NBEA: variants seen among roughly 807,000 people sequenced by gnomAD.
NBEA encodes lysosomal-trafficking regulator 2.
NBEA carries 44 observed loss-of-function variants against 343.4 expected under a neutral mutation model. That is an observed-to-expected ratio of 0.13 (90% confidence interval 0.10 to 0.16). The LOEUF (loss-of-function observed/expected upper bound fraction) is 0.16. Ranked by LOEUF, NBEA falls within the 10% of genes least tolerant of loss-of-function variation. The pLI, the probability that NBEA is intolerant of heterozygous loss-of-function variation, is 1.00. For missense variants in NBEA, 2,555 were observed against 3,631.3 expected (o/e 0.70, Z 7.62); for synonymous variants, 1,175 against 1,238.7 (o/e 0.95, Z 1.08).
intron 1 of NBEA, among the ~76,000 whole-genome samples, chr13:34,952,461 A>G (rs1422847112): frequency 6.6e-6 from 1 of 152,212 alleles, no homozygotes; most frequent in African/African-American, 2.4e-5. Context: ...TTCACTGGGT[A>G]TAATGTGGAT....
intron 58 of NBEA, 112 bp from the exon 59 acceptor site, chr13:35,670,789 A>T: frequency 1.4e-6 from 1 of 696,938 alleles, no homozygotes; most frequent in Non-Finnish European, 2.5e-6. Flanking sequence ...AAACCTTGAG[A>T]TCGTGATATT....
intron 1 of NBEA, among the ~76,000 whole-genome samples, chr13:35,028,727 T>TTC (rs1349401919): frequency 6.6e-6 from 1 of 151,686 alleles, no homozygotes; most frequent in East Asian, 1.9e-4. Flanking sequence ...ATTCAAAACT[T>TTC]TTTCATCACC....
intron 38 of NBEA, among the ~76,000 whole-genome samples, chr13:35,389,970 A>AGTGTGTGTGT (rs10523765): frequency 0.31 from 43,279 of 137,678 alleles, 7,433 homozygotes; most frequent in Middle Eastern, 0.49. Flanking sequence ...TCTTTTGTAG[A>AGTGTGTGTGT]GTGTGTGTGT....
chr13:35,263,134 A>G (rs931248203), intron 34 of NBEA, among the ~76,000 whole-genome samples: 1 of 152,190 alleles, frequency 6.6e-6, no homozygotes, highest in African/African-American at 2.4e-5. Flanking sequence ...ATATAAACCA[A>G]TGGAATACAA....
intron 22 of NBEA, 142 bp downstream of exon 22, chr13:35,160,174 C>A: frequency 1.3e-6 from 1 of 780,010 alleles, no homozygotes; most frequent in Non-Finnish European, 1.9e-6. Flanking sequence ...CTAAATAGTG[C>A]GGTATAATTT....
intron 37 of NBEA, among the ~76,000 whole-genome samples, chr13:35,351,856 C>T (rs952432897): frequency 3.3e-5 from 5 of 151,938 alleles, no homozygotes; most frequent in Non-Finnish European, 7.4e-5. Context: ...AGTAGGTTTA[C>T]ATTTATAGTA....
At chr13:35,412,787 T>C (rs1299104281) in intron 38 of NBEA, among the ~76,000 whole-genome samples, 1 of 152,158 alleles carries the variant, frequency 6.6e-6, no homozygotes, top group Non-Finnish European at 1.5e-5. Flanking sequence ...GTTGCTTTTC[T>C]TGCAGTTAGA....
At chr13:35,044,811 G>C in intron 2 of NBEA, 136 bp from the exon 3 acceptor site, 1 of 421,366 alleles carries the variant, frequency 2.4e-6, no homozygotes, top group South Asian at 6.3e-5. Flanking sequence ...AGCTGTATTA[G>C]ATACATATAT....
intron 26 of NBEA, among the ~76,000 whole-genome samples, chr13:35,172,387 G>A (rs971909122): frequency 3.3e-5 from 5 of 152,002 alleles, no homozygotes; most frequent in African/African-American, 1.2e-4. Context: ...GTTAACTGAC[G>A]GTGGGCCATT....
At chr13:35,245,459 G>C (rs555984904) in intron 34 of NBEA, among the ~76,000 whole-genome samples, 1 of 151,910 alleles carries the variant, frequency 6.6e-6, no homozygotes, top group South Asian at 2.1e-4. Flanking sequence ...TCCTTTTAGC[G>C]GTTCTTGTTT....
In NBEA at chr13:35,522,475, C is replaced by CAAAAAAAAAAAAAAAAA. The variant is rs138270833; in HGVS notation, c.6586-27987_6586-27971dup. Among the ~76,000 whole-genome samples, 5 of 42,072 alleles carry CAAAAAAAAAAAAAAAAA rather than the reference C, an allele frequency of 1.2e-4. 1 individual carries two copies. The highest frequency in any genetic ancestry group is 2.2e-4 in the Non-Finnish European group (4 of 18,126). The allele number at this position is 42,072 out of a possible 152,430, so 27.6% of individuals were successfully genotyped here. A position where few individuals can be genotyped will look rare whatever the true frequency, so the allele number is the denominator to read the frequency against. On this transcript the variant is annotated intron_variant, in intron 41 of 58. Coordinates refer to ENST00000379939, the MANE Select transcript of NBEA (RefSeq NM_001385012.1). The stretch of plus-strand genomic sequence containing the variant: ...GGGCAACAAAGCAAGATACCATCTC[C>CAAAAAAAAAAAAAAAAA]AAAAAAAAAAAAAAAAAAAAAAAAA...
chr13:35,277,515 G>A (rs1262305783), intron 34 of NBEA, among the ~76,000 whole-genome samples: 1 of 150,916 alleles, frequency 6.6e-6, no homozygotes, highest in Non-Finnish European at 1.5e-5. Context: ...CAGCTACTCA[G>A]GAGGCTGAGG....
In NBEA at chr13:35,196,364, A is replaced by G. The variant is rs190199610; in HGVS notation, c.5366+62A>G. 1.1e-4 allele frequency: 155 copies of G among 1,418,240 alleles called. 2 individuals carry two copies. In the East Asian group the frequency reaches 3.7e-3, roughly 34 times the overall value. 87.9% of individuals were successfully genotyped at this position (1,418,240 alleles called of 1,614,324 possible). On this transcript the variant is annotated intron_variant, in intron 31 of 58. Coordinates refer to ENST00000379939, the MANE Select transcript of NBEA (RefSeq NM_001385012.1). Reference sequence around the variant, plus strand: ...ATAAAAGGAAAATTAGACTTTGTTAATTTTAAAATATAAGGAAGATCTTGA... The same window carrying G: ...ATAAAAGGAAAATTAGACTTTGTTAGTTTTAAAATATAAGGAAGATCTTGA...
At chr13:35,577,835 G>T (rs977520213) in intron 45 of NBEA, among the ~76,000 whole-genome samples, 1 of 152,116 alleles carries the variant, frequency 6.6e-6, no homozygotes. Context: ...GTCATGTAAG[G>T]CTTTACAGAT....
chr13:35,333,238 G>A (rs528566776), intron 36 of NBEA, among the ~76,000 whole-genome samples: 33 of 151,748 alleles, frequency 2.2e-4, no homozygotes, highest in Non-Finnish European at 3.2e-4. Flanking sequence ...AAAATAAAGC[G>A]CAAAATAGAA....
chr13:35,460,707 CA>C (rs1400852357), intron 40 of NBEA, among the ~76,000 whole-genome samples: 1 of 152,122 alleles, frequency 6.6e-6, no homozygotes, highest in African/African-American at 2.4e-5. Flanking sequence ...CCTTGATAAC[CA>C]AACTGTGTAA....
intron 10 of NBEA, among the ~76,000 whole-genome samples, chr13:35,074,044 A>G (rs534271269): frequency 6.6e-5 from 10 of 152,174 alleles, no homozygotes; most frequent in Admixed American, 6.6e-4. Context: ...TAAATTATGA[A>G]GGCCACTTAT....
intron 11 of NBEA, among the ~76,000 whole-genome samples, chr13:35,102,678 A>C (rs1362767223): frequency 6.6e-6 from 1 of 151,832 alleles, no homozygotes; most frequent in Non-Finnish European, 1.5e-5. Flanking sequence ...GAAGCAATTA[A>C]AAGTTTTGAT....
intron 36 of NBEA, among the ~76,000 whole-genome samples, chr13:35,334,044 C>T (rs1334588409): frequency 6.6e-6 from 1 of 151,696 alleles, no homozygotes; most frequent in Non-Finnish European, 1.5e-5. Context: ...GATTTCCTTT[C>T]ATTGGAGTAT....
Sources: allele counts gnomAD v4.1 joint callset (sites outside exome capture counted in the v4.1 genomes callset), GRCh38; gene constraint gnomAD v4.1.1; transcripts MANE v1.5; gene names NCBI Gene and HGNC (gene_info 2026-07-23, HGNC 2026-07-21).